CFAP43: variants seen among roughly 807,000 people sequenced by gnomAD.
CFAP43 encodes the protein cilia and flagella associated protein 43.
A neutral mutation model predicts 218.9 loss-of-function variants in CFAP43; 155 were observed. That is an observed-to-expected ratio of 0.71 (90% CI 0.62 to 0.81). The LOEUF is 0.81. Among genes scored for constraint, CFAP43 ranks in the 30% least tolerant of loss-of-function variants. The probability of loss-of-function intolerance (pLI) is 0.00; values close to 1 mark genes in which losing one functional copy is unlikely to be tolerated. For missense variants in CFAP43, 1,778 were observed against 1,954.3 expected (o/e 0.91, Z 1.70); for synonymous variants, 645 against 681.3 (o/e 0.95, Z 0.83).
At chr10:104,140,436 G>T (rs577012119) in intron 34 of CFAP43, among the ~76,000 whole-genome samples, 3 of 152,162 alleles carry the variant, frequency 2.0e-5, no homozygotes, top group Admixed American at 2.0e-4. Flanking sequence ...TGACTTAATT[G>T]AATTAAAATT....
chr10:104,190,135 C>CAAAAA (rs59257656), intron 12 of CFAP43, among the ~76,000 whole-genome samples: 8 of 50,746 alleles, frequency 1.6e-4, no homozygotes, highest in South Asian at 8.4e-4. Flanking sequence ...GACTCCATCT[C>CAAAAA]AAAAAAAAAA....
intron 16 of CFAP43, 128 bp from the exon 17 acceptor site, chr10:104,182,641 C>T (rs2134879165): frequency 2.3e-6 from 2 of 868,966 alleles, no homozygotes; most frequent in East Asian, 3.2e-5. Flanking sequence ...AATATGTGGA[C>T]AATTCTTCAC....
intron 20 of CFAP43, among the ~76,000 whole-genome samples, chr10:104,169,450 A>G (rs1564749561): frequency 6.6e-6 from 1 of 152,104 alleles, no homozygotes; most frequent in Non-Finnish European, 1.5e-5. Flanking sequence ...GTTTTTTTCC[A>G]CTTAAAAACA....
intron 20 of CFAP43, 130 bp downstream of exon 20, chr10:104,172,280 T>C: frequency 8.5e-7 from 1 of 1,171,238 alleles, no homozygotes; most frequent in Non-Finnish European, 1.2e-6. Context: ...ATGCACTATG[T>C]TTGCTTTATT....
At chr10:104,153,650 T>C in intron 27 of CFAP43, among the ~76,000 whole-genome samples, 1 of 152,238 alleles carries the variant, frequency 6.6e-6, no homozygotes, top group South Asian at 2.1e-4. Flanking sequence ...ACTGTTAATT[T>C]TGATATAACT....
intron 25 of CFAP43, 77 bp downstream of exon 25, chr10:104,162,240 G>T: frequency 7.0e-7 from 1 of 1,425,306 alleles, no homozygotes; most frequent in Non-Finnish European, 9.9e-7. Context: ...GTGTTGATGG[G>T]TTATTAAACC....
intron 4 of CFAP43, 31 bp downstream of exon 4, chr10:104,214,228 A>G: frequency 1.3e-6 from 2 of 1,534,352 alleles, no homozygotes; most frequent in Non-Finnish European, 1.8e-6. Flanking sequence ...AAAGACCACC[A>G]TGTTGCTACT....
Position 104,186,028 on chromosome 10 carries a change from C to A in CFAP43, c.1956G>T (p.Trp652Cys). The change falls in exon 15 of 38, where the codon TGG (tryptophan) becomes TGT (cysteine). Residue 652 changes from tryptophan (W) to cysteine (C), a missense_variant. This residue lies in a region of CFAP43 where 1,553 missense variants were observed against 1,685.2 expected (regional missense o/e 0.92). Coordinates refer to ENST00000357060, the MANE Select transcript of CFAP43 (RefSeq NM_025145.7). ...TTCCACATTTAGCTATTGTTATGAG[C>A]CACAATCCATGTGAAGACAGATAGA... ...GLLYLSSHGL[W>C]LITIAKCGIL... 1 of 1,610,616 alleles carries A rather than the reference C, an allele frequency of 6.2e-7. No homozygotes were observed. Among genetic ancestry groups the A allele is most frequent in the Non-Finnish European group, 8.5e-7 (1 of 1,179,086 alleles).
intron 8 of CFAP43, among the ~76,000 whole-genome samples, chr10:104,198,302 G>A (rs887335352): frequency 3.3e-5 from 5 of 152,110 alleles, no homozygotes; most frequent in Admixed American, 2.6e-4. Context: ...TAATTTTTGA[G>A]ACAAAGTCTT....
intron 23 of CFAP43, among the ~76,000 whole-genome samples, chr10:104,166,265 G>A (rs904781974): frequency 6.6e-6 from 1 of 152,014 alleles, no homozygotes. Context: ...GTAGAGATGG[G>A]GTTTCACCAT....
chr10:104,187,310 G>T lies in CFAP43; in HGVS notation c.1860+10C>A, dbSNP rs879864175. On this transcript the variant is annotated intron_variant, in intron 14 of 37. Transcript: ENST00000357060. ...AAGATAAATGAGAGCACACTTAAGTGTTGACATACTTCTTCAGGAAGAAGG... is the reference window on the plus strand; with the variant it reads ...AAGATAAATGAGAGCACACTTAAGTTTTGACATACTTCTTCAGGAAGAAGG... The T allele has an allele frequency of 6.3e-7, 1 of 1,592,334 alleles. No individual in the cohort carries two copies.
intron 30 of CFAP43, among the ~76,000 whole-genome samples, chr10:104,146,020 G>A (rs1251560599): frequency 1.3e-5 from 2 of 152,148 alleles, no homozygotes; most frequent in Non-Finnish European, 2.9e-5. Context: ...AAGCCTTAAA[G>A]GCTAGATGAT....
In CFAP43 at chr10:104,166,481, G is replaced by T; in HGVS notation, c.3039+7C>A. 6.2e-7 allele frequency: 1 copy of T among 1,603,206 alleles called. No individual in the cohort carries two copies. Among genetic ancestry groups the T allele is most frequent in the Non-Finnish European group, 8.5e-7 (1 of 1,173,716 alleles). ...GATTTTTCAGGATAAAAAGAAAATT[G>T]ACCCACTTTCAATAATATAATTTGG... is the stretch of plus-strand genomic sequence containing the variant. On this transcript the variant is annotated splice_region_variant and intron_variant, in intron 23 of 37. Transcript: ENST00000357060.
chr10:104,180,256 C>A (rs546372266), intron 17 of CFAP43, among the ~76,000 whole-genome samples: 2 of 152,250 alleles, frequency 1.3e-5, no homozygotes, highest in Admixed American at 6.5e-5. Context: ...TGCTTAGGAT[C>A]TTTTTTCTTC....
chr10:104,148,792 A>G (rs1018413420), intron 28 of CFAP43, among the ~76,000 whole-genome samples: 17 of 152,230 alleles, frequency 1.1e-4, no homozygotes, highest in African/African-American at 4.1e-4. Flanking sequence ...TTTATAAATT[A>G]TGCAGCCTCA....
chr10:104,167,797 G>C, intron 21 of CFAP43, 60 bp from the exon 22 acceptor site: 1 of 1,215,026 alleles, frequency 8.2e-7, no homozygotes, highest in Non-Finnish European at 1.2e-6. Flanking sequence ...TGTGTATCTG[G>C]GGTTGAGTAG....
chr10:104,216,838 C>T (rs896161036), intron 3 of CFAP43, among the ~76,000 whole-genome samples: 29 of 152,258 alleles, frequency 1.9e-4, no homozygotes, highest in Admixed American at 9.8e-4. Flanking sequence ...AGATGGGATG[C>T]ATGAGCTCTT....
chr10:104,179,840 C>T lies in CFAP43; in HGVS notation c.2382G>A (p.Glu794=). The change falls in exon 18 of 38, where the codon GAG becomes GAA. Residue 794 remains glutamate (E), a splice_region_variant and synonymous_variant. Transcript: ENST00000357060. ...AACCTACCCCATGTTTCACAAATACCTCTTGGCTTTTTTGTTGTATCCAAG... is the reference window on the plus strand; with the variant it reads ...AACCTACCCCATGTTTCACAAATACTTCTTGGCTTTTTTGTTGTATCCAAG... ...EIPWIQQKSQ[E]AIKKEVNLFS... is the part of the protein sequence containing the mutation. 6.2e-7 allele frequency: 1 copy of T among 1,611,612 alleles called. No individual in the cohort carries two copies. The highest frequency in any genetic ancestry group is 8.5e-7 in the Non-Finnish European group (1 of 1,178,136).
At chr10:104,225,350 C>T in intron 3 of CFAP43, 111 bp downstream of exon 3, 1 of 905,262 alleles carries the variant, frequency 1.1e-6, no homozygotes, top group Non-Finnish European at 1.6e-6. Context: ...TTTTTTCCTT[C>T]TATATTTCCT....
Sources: gnomAD v4.1 joint callset for allele counts (sites outside exome capture counted in the v4.1 genomes callset) on GRCh38, gnomAD v4.1.1 for gene constraint, gnomAD v4.1.1 regional missense constraint, MANE v1.5 for transcripts, NCBI Gene and HGNC (gene_info 2026-07-23, HGNC 2026-07-21) for gene names.